HAUS8: variants seen among roughly 807,000 people sequenced by gnomAD.
The protein encoded by HAUS8 is HAUS augmin-like complex subunit 8.
A neutral mutation model predicts 42.9 loss-of-function variants in HAUS8; 38 were observed. That is an observed-to-expected ratio of 0.89 (90% CI 0.68 to 1.16). The LOEUF is 1.16. Ranked by LOEUF, HAUS8 falls within the 50% of genes most tolerant of loss-of-function variation. HAUS8 has a pLI of 0.00. For synonymous variants in HAUS8, 199 were observed against 205.8 expected (o/e 0.97, Z 0.28); for missense variants, 494 against 511.6 (o/e 0.97, Z 0.33).
At chr19:17,066,660 G>A (rs2123377509) in intron 3 of HAUS8, among the ~76,000 whole-genome samples, 1 of 152,252 alleles carries the variant, frequency 6.6e-6, no homozygotes, top group Admixed American at 6.5e-5. Context: ...TTGCTGGTGG[G>A]GGAACCCTCA....
chr19:17,067,270 G>C (rs1028143655), intron 3 of HAUS8, among the ~76,000 whole-genome samples: 1 of 151,880 alleles, frequency 6.6e-6, no homozygotes, highest in Non-Finnish European at 1.5e-5. Context: ...AACTTGAAAG[G>C]CACTCTGCTA....
chr19:17,054,522 C>A (rs1372924677), intron 9 of HAUS8, among the ~76,000 whole-genome samples: 1 of 151,894 alleles, frequency 6.6e-6, no homozygotes, highest in East Asian at 1.9e-4. Context: ...GCCAGGTGCG[C>A]CAGGAGCAGT....
In HAUS8 at chr19:17,054,170, T is replaced by C. The variant is rs189657391; in HGVS notation, c.788-1204A>G. Among the ~76,000 whole-genome samples the C allele has an allele frequency of 2.6e-5, 4 of 151,996 alleles. No homozygotes were observed. The East Asian group carries it at 7.8e-4, about 30-fold the overall frequency. On this transcript the variant is annotated intron_variant, in intron 9 of 10. Transcript: ENST00000253669. ...CTTGATTTCAGACTTCTGGCTGAAATCAAGACTCCCAGAACTGGGAGGGAA... is the reference window on the plus strand; with the variant it reads ...CTTGATTTCAGACTTCTGGCTGAAACCAAGACTCCCAGAACTGGGAGGGAA...
intron 2 of HAUS8, among the ~76,000 whole-genome samples, chr19:17,070,377 A>T (rs2057414362): frequency 6.6e-6 from 1 of 152,190 alleles, no homozygotes; most frequent in Non-Finnish European, 1.5e-5. Context: ...CAGGGCTGAG[A>T]CAGGCTGGCG....
At position 17,067,240 on chromosome 19, in the gene HAUS8, C is replaced by G. The variant is rs182844058; in HGVS notation, c.147+1791G>C. Among the ~76,000 whole-genome samples the G allele has an allele frequency of 1.4e-3, 218 of 150,722 alleles. 1 individual carries two copies. Among genetic ancestry groups the G allele is most frequent in the African/African-American group, 5.1e-3 (208 of 41,022 alleles). The stretch of plus-strand genomic sequence containing the variant: ...AAAAAAGGAAGGAAGCACCTACATG[C>G]AATACATGCAACACAGAGGAACTTG... On this transcript the variant is annotated intron_variant, in intron 3 of 10. Transcript: ENST00000253669.
chr19:17,075,269 C>A, intron 1 of HAUS8, 125 bp downstream of exon 1: 1 of 1,058,514 alleles, frequency 9.4e-7, no homozygotes, highest in East Asian at 2.4e-5. Flanking sequence ...CTTCAGGGGC[C>A]CGCGCAGTTC....
intron 3 of HAUS8, among the ~76,000 whole-genome samples, chr19:17,068,103 T>A (rs1275216013): frequency 2.1e-5 from 3 of 139,740 alleles, no homozygotes; most frequent in Non-Finnish European, 4.7e-5. Context: ...TTTATTCTTT[T>A]TTTTTTTTTT....
At chr19:17,057,918 CA>C in intron 8 of HAUS8, among the ~76,000 whole-genome samples, 1 of 152,218 alleles carries the variant, frequency 6.6e-6, no homozygotes, top group Admixed American at 6.5e-5. Flanking sequence ...CATGTGAACA[CA>C]GAGAAGACAA....
intron 4 of HAUS8, 112 bp from the exon 5 acceptor site, chr19:17,060,204 T>C: frequency 1.9e-6 from 1 of 531,374 alleles, no homozygotes; most frequent in Non-Finnish European, 3.2e-6. Context: ...AAAAGCCCAA[T>C]TTCGTCCAAG....
At chr19:17,055,721 C>T in intron 9 of HAUS8, 140 bp downstream of exon 9, 1 of 896,270 alleles carries the variant, frequency 1.1e-6, no homozygotes, top group Non-Finnish European at 1.7e-6. Flanking sequence ...GGAGGAACCA[C>T]AGCCTGGCCA....
intron 2 of HAUS8, among the ~76,000 whole-genome samples, chr19:17,072,338 CTTTTTTTT>C (rs71180355): frequency 1.1e-5 from 1 of 87,540 alleles, no homozygotes; most frequent in Admixed American, 1.6e-4. Flanking sequence ...CGAGCATTTC[CTTTTTTTT>C]TTTTTTTTTT....
chr19:17,075,504 G>A (rs1037756861), upstream of HAUS8: 15 of 1,505,270 alleles, frequency 1.0e-5, no homozygotes, highest in African/African-American at 1.4e-4. Flanking sequence ...CGGACCATTT[G>A]TGGAGACGCA....
chr19:17,055,139 A>ATAT (rs2057314490), intron 9 of HAUS8: 7 of 24,464 alleles, frequency 2.9e-4, no homozygotes, highest in Admixed American at 8.1e-4. Context: ...AAAAAAAAAA[A>ATAT]AAAAATATAT....
chr19:17,067,022 T>A (rs1021673567), intron 3 of HAUS8, among the ~76,000 whole-genome samples: 3 of 151,896 alleles, frequency 2.0e-5, no homozygotes, highest in Admixed American at 2.0e-4. Flanking sequence ...CTGGCCAACA[T>A]GCTGAAACCC....
intron 6 of HAUS8, 140 bp from the exon 7 acceptor site, chr19:17,059,016 C>A (rs1438471689): frequency 9.3e-6 from 6 of 644,990 alleles, no homozygotes; most frequent in Non-Finnish European, 1.6e-5. Context: ...TGTAGTGGGT[C>A]TATTGCTTCT....
intron 2 of HAUS8, 23 bp from the exon 3 acceptor site, chr19:17,069,109 C>T (rs759551057): frequency 1.2e-6 from 2 of 1,606,902 alleles, no homozygotes; most frequent in South Asian, 2.2e-5. Flanking sequence ...ACTGTTGGTG[C>T]ACAACAAAAC....
intron 9 of HAUS8, chr19:17,055,195 C>T (rs1435079398): frequency 1.4e-5 from 1 of 71,096 alleles, no homozygotes; most frequent in African/African-American, 6.1e-5. Context: ...TATATATAAG[C>T]CAGGTGTGGT....
chr19:17,059,303 G>C (rs570171367), intron 6 of HAUS8, among the ~76,000 whole-genome samples: 1 of 152,360 alleles, frequency 6.6e-6, no homozygotes, highest in South Asian at 2.1e-4. Context: ...TCCCAGCACA[G>C]CATGGGCACA....
At chr19:17,054,122 G>C (rs2057305456) in intron 9 of HAUS8, among the ~76,000 whole-genome samples, 1 of 152,128 alleles carries the variant, frequency 6.6e-6, no homozygotes, top group Non-Finnish European at 1.5e-5. Flanking sequence ...ACAGCCCCTG[G>C]AGGGAGCCAA....
Sources: allele counts gnomAD v4.1 joint callset (sites outside exome capture counted in the v4.1 genomes callset), GRCh38; gene constraint gnomAD v4.1.1; transcripts MANE v1.5; gene names NCBI Gene and HGNC (gene_info 2026-07-23, HGNC 2026-07-21).